The following MGST1 variants were observed in gnomAD, a reference collection of about 807,000 sequenced individuals.
The protein encoded by MGST1 is glutathione S-transferase 12.
In MGST1, 5 loss-of-function variants were observed where a neutral mutation model predicts 8.9. The ratio of observed to expected loss-of-function variants is 0.56; its 90% CI spans 0.29 to 1.19. MGST1 has a LOEUF of 1.19. MGST1 is among the 50% of genes most tolerant of loss of function. The pLI is 0.08. For synonymous variants in MGST1, 54 were observed against 67.8 expected, an observed-to-expected ratio of 0.80 and a Z score of 1.00; for missense variants, 182 against 187.4, an observed-to-expected ratio of 0.97 and a Z score of 0.17.
intron 4 of MGST1, among the ~76,000 whole-genome samples, chr12:16,481,195 G>T (rs1391811645): frequency 6.6e-6 from 1 of 152,132 alleles, no homozygotes; most frequent in Non-Finnish European, 1.5e-5. Flanking sequence ...GTCCTTAAAT[G>T]TGTTGATGTT....
chr12:16,415,454 TGA>T (rs1940779970), intron 1 of MGST1, among the ~76,000 whole-genome samples: 1 of 152,164 alleles, frequency 6.6e-6, no homozygotes, highest in Admixed American at 6.5e-5. Context: ...TTGCCACCCC[TGA>T]GAGAGTTAGA....
intron 1 of MGST1, among the ~76,000 whole-genome samples, chr12:16,433,113 C>G (rs1364613773): frequency 6.6e-6 from 1 of 152,072 alleles, no homozygotes; most frequent in Non-Finnish European, 1.5e-5. Flanking sequence ...GTCCAAGTCC[C>G]AAAACTGAAG....
chr12:16,354,474 A>G (rs1366160128), intron 2 of MGST1, 96 bp downstream of exon 2: 8 of 1,217,922 alleles, frequency 6.6e-6, no homozygotes, highest in Non-Finnish European at 9.2e-6. Context: ...GGTAAAGCCC[A>G]ATAGCACACT....
At chr12:16,566,430 T>C (rs967000089) in intron 4 of MGST1, among the ~76,000 whole-genome samples, 5 of 151,960 alleles carry the variant, frequency 3.3e-5, no homozygotes, top group African/African-American at 4.8e-5. Flanking sequence ...AAAAAAATGA[T>C]AAATAATGTA....
In MGST1 at chr12:16,458,128, C is replaced by T. The variant is rs553944306; in HGVS notation, n.482+74524C>T. On this transcript the variant is annotated intron_variant and non_coding_transcript_variant, in intron 4 of 4. Coordinates refer to the MGST1 transcript ENST00000538857. This position sits in a 1 kb window ranked among gnomAD's most constrained non-coding sequence, Gnocchi z 4.0. ...TTAAAGAAGTGCAAAAGCGTGAACC[C>T]GAGGGTTACTGCATATTAATACTTT... is the stretch of plus-strand genomic sequence containing the variant. 9.9e-5 allele frequency among the ~76,000 whole-genome samples: 15 copies of T among 151,952 alleles called. No homozygotes were observed. Among genetic ancestry groups the T allele is most frequent in the South Asian group, 2.1e-4 (1 of 4,820 alleles).
In MGST1 at chr12:16,585,911, A is replaced by G. The variant is rs1943305014; in HGVS notation, n.483-3617A>G. On this transcript the variant is annotated intron_variant and non_coding_transcript_variant, in intron 4 of 4. Transcript: ENST00000538857. This position sits in a 1 kb window ranked among gnomAD's most constrained non-coding sequence, Gnocchi z 4.7. The stretch of plus-strand genomic sequence containing the variant: ...TCATTTAGTCATTTATAGTCTCAGA[A>G]ATCTTGCTTATCCTAAGATCTGGGC... 6.6e-6 allele frequency among the ~76,000 whole-genome samples: 1 copy of G among 152,194 alleles called. No individual in the cohort carries two copies. Among genetic ancestry groups the G allele is most frequent in the African/African-American group, 2.4e-5 (1 of 41,454 alleles).
In MGST1 at chr12:16,354,309, T is replaced by A. The variant is rs1565433705; in HGVS notation, c.57T>A (p.Tyr19Ter). ...DDEVFMAFAS[Y>*]ATIILSKMML... The stretch of plus-strand genomic sequence containing the variant: ...AAGTATTCATGGCTTTTGCATCCTA[T>A]GCAACAATTATTCTTTCAAAAATGA... The change falls in exon 2 of 4, where the codon TAT (tyrosine) becomes TAA (stop). Residue 19 changes from tyrosine to a stop codon, truncating the protein, a stop_gained. Coordinates refer to ENST00000396210, the MANE Select transcript of MGST1 (RefSeq NM_020300.5). LOFTEE classifies it high-confidence loss of function. 6.2e-7 allele frequency: 1 copy of A among 1,607,810 alleles called. No individual in the cohort carries two copies. The highest frequency in any genetic ancestry group is 1.3e-5 in the African/African-American group (1 of 74,756).
chr12:16,495,324 G>A (rs1471871245), intron 4 of MGST1, among the ~76,000 whole-genome samples: 1 of 152,010 alleles, frequency 6.6e-6, no homozygotes, highest in Non-Finnish European at 1.5e-5. Flanking sequence ...AGAAGGGGAG[G>A]CAGGTGAAGA....
chr12:16,518,187 C>T (rs1941626373), intron 4 of MGST1, among the ~76,000 whole-genome samples: 1 of 152,170 alleles, frequency 6.6e-6, no homozygotes, highest in African/African-American at 2.4e-5. Context: ...CTCATCTTCT[C>T]CAACTCTGCT....
intron 1 of MGST1, among the ~76,000 whole-genome samples, chr12:16,436,155 C>T (rs543566327): frequency 2.8e-4 from 42 of 152,000 alleles, no homozygotes; most frequent in African/African-American, 9.6e-4. Flanking sequence ...TCTAATAGAA[C>T]AAGCTATTTG....
At chr12:16,382,743 G>A (rs1940468475), upstream of MGST1, 2 of 153,136 alleles carry the variant, frequency 1.3e-5, no homozygotes, top group Admixed American at 6.5e-5. Flanking sequence ...CAGAAGTGGA[G>A]CCTACAGAGG....
chr12:16,520,167 A>G (rs1011289833), intron 4 of MGST1, among the ~76,000 whole-genome samples: 1 of 152,168 alleles, frequency 6.6e-6, no homozygotes, highest in Non-Finnish European at 1.5e-5. Context: ...CCCTTTATTT[A>G]GTATAACCCT....
chr12:16,439,077 A>T (rs1297261706), downstream of MGST1, among the ~76,000 whole-genome samples: 1 of 151,242 alleles, frequency 6.6e-6, no homozygotes, highest in Non-Finnish European at 1.5e-5. Flanking sequence ...CCAACTTCTT[A>T]GTGTAATATA....
chr12:16,512,483 G>T (rs1001795649), intron 4 of MGST1, among the ~76,000 whole-genome samples: 1 of 152,110 alleles, frequency 6.6e-6, no homozygotes, highest in Admixed American at 6.5e-5. Flanking sequence ...TTTACTCACT[G>T]TGATACCTAT....
chr12:16,574,903 C>T (rs972269826), intron 4 of MGST1, among the ~76,000 whole-genome samples: 4 of 152,000 alleles, frequency 2.6e-5, no homozygotes, highest in Admixed American at 1.3e-4. Context: ...GAAATCTGGC[C>T]GAGTCCGAGT....
At chr12:16,373,515 G>A (rs1162847135) in intron 3 of MGST1, among the ~76,000 whole-genome samples, 1 of 151,778 alleles carries the variant, frequency 6.6e-6, no homozygotes, top group Non-Finnish European at 1.5e-5. Flanking sequence ...TGTATCCCGT[G>A]TGATAACTGT....
chr12:16,456,947 C>T (rs1941178461), intron 4 of MGST1, among the ~76,000 whole-genome samples: 2 of 151,948 alleles, frequency 1.3e-5, no homozygotes. Context: ...TAACAGCTCT[C>T]CCTCTCTTTG....
intron 2 of MGST1, 123 bp from the exon 3 acceptor site, chr12:16,357,482 T>A: frequency 1.4e-6 from 1 of 728,186 alleles, no homozygotes; most frequent in Non-Finnish European, 2.2e-6. Flanking sequence ...TTGCCCAGGC[T>A]GATCTTGAAT....
intron 4 of MGST1, among the ~76,000 whole-genome samples, chr12:16,495,449 C>T (rs1941463681): frequency 1.3e-5 from 2 of 151,968 alleles, no homozygotes; most frequent in Non-Finnish European, 2.9e-5. Context: ...CACATGTACC[C>T]TCTGCATCTA....
Sources: gnomAD v4.1 joint callset for allele counts (sites outside exome capture counted in the v4.1 genomes callset) on GRCh38, gnomAD v4.1.1 for gene constraint, Gnocchi (gnomAD v3.1) non-coding constraint, MANE v1.5 for transcripts, NCBI Gene and HGNC (gene_info 2026-07-23, HGNC 2026-07-21) for gene names.